RNF144A: variants seen among roughly 807,000 people sequenced by gnomAD.
The protein encoded by RNF144A is ring finger protein 144A, also known as E3 ubiquitin-protein ligase RNF144A.
A neutral mutation model predicts 38.7 loss-of-function variants in RNF144A; 11 were observed. That is an observed-to-expected ratio of 0.28 (90% confidence interval 0.18 to 0.47). RNF144A has a LOEUF of 0.47. RNF144A is among the 20% of genes least tolerant of loss of function. The pLI is 0.99. For synonymous variants in RNF144A, 149 were observed against 143.9 expected (o/e 1.04, Z -0.25); for missense variants, 316 against 377.2 (o/e 0.84, Z 1.34).
intron 1 of RNF144A, among the ~76,000 whole-genome samples, chr2:6,928,579 C>T (rs2077698): frequency 0.049 from 7,475 of 152,194 alleles, 258 homozygotes; most frequent in Non-Finnish European, 0.08. Context: ...TTCTAGCCCA[C>T]GTACTGCTGT....
chr2:7,030,561 C>T (rs1484029394), intron 8 of RNF144A, among the ~76,000 whole-genome samples: 1 of 151,936 alleles, frequency 6.6e-6, no homozygotes, highest in Non-Finnish European at 1.5e-5. Context: ...CTTGCCTAGC[C>T]CTTAACAAAG....
At chr2:7,073,727 A>T in the RNF144A span, among the ~76,000 whole-genome samples, 3 of 152,210 alleles carry the variant, frequency 2.0e-5, no homozygotes, top group African/African-American at 7.2e-5. Flanking sequence ...CCCATGTGTG[A>T]ACTTATTTAA....
downstream of RNF144A, among the ~76,000 whole-genome samples, chr2:7,071,030 G>A (rs1410999288): frequency 6.7e-6 from 1 of 150,086 alleles, no homozygotes; most frequent in Non-Finnish European, 1.5e-5. Context: ...CATCTCCCAG[G>A]TTCAAGCGAT....
At chr2:6,976,966 CT>C (rs1668355933) in intron 2 of RNF144A, among the ~76,000 whole-genome samples, 2 of 152,090 alleles carry the variant, frequency 1.3e-5, no homozygotes, top group African/African-American at 4.8e-5. Flanking sequence ...ACAGACAATG[CT>C]GTAATCCACA....
At chr2:6,974,273 A>G (rs1351653836) in intron 2 of RNF144A, among the ~76,000 whole-genome samples, 1 of 152,176 alleles carries the variant, frequency 6.6e-6, no homozygotes, top group Non-Finnish European at 1.5e-5. Context: ...TGCCACATGC[A>G]TTCTAGTTTT....
chr2:7,057,875 C>T (rs1247960010), intron 6 of RNF144A, among the ~76,000 whole-genome samples: 1 of 152,110 alleles, frequency 6.6e-6, no homozygotes, highest in Non-Finnish European at 1.5e-5. Context: ...TTAGTGGACA[C>T]AATGTAGTCA....
intron 8 of RNF144A, among the ~76,000 whole-genome samples, chr2:7,034,190 C>CT (rs1194883018): frequency 1.3e-5 from 2 of 151,870 alleles, no homozygotes; most frequent in East Asian, 3.9e-4. Context: ...ATAGTTCTTC[C>CT]TTTCTTTGAA....
At chr2:6,928,868 TG>T (rs374744079) in intron 1 of RNF144A, among the ~76,000 whole-genome samples, 177 of 152,310 alleles carry the variant, frequency 1.2e-3, no homozygotes, top group Middle Eastern at 6.8e-3. Context: ...CCTTCGGTGA[TG>T]GTCAGAAACT....
intron 2 of RNF144A, among the ~76,000 whole-genome samples, chr2:6,987,079 G>C (rs950474667): frequency 2.0e-5 from 3 of 152,092 alleles, no homozygotes; most frequent in Non-Finnish European, 4.4e-5. Context: ...GTCCTCTGTG[G>C]GAAACCGGCC....
intron 2 of RNF144A, among the ~76,000 whole-genome samples, chr2:6,942,811 C>T (rs541299356): frequency 6.6e-6 from 1 of 152,264 alleles, no homozygotes; most frequent in Admixed American, 6.5e-5. Context: ...TGGCAAAACC[C>T]CATCTCTACT....
At chr2:6,936,294 C>T (rs1356545035) in intron 1 of RNF144A, among the ~76,000 whole-genome samples, 3 of 152,140 alleles carry the variant, frequency 2.0e-5, no homozygotes, top group African/African-American at 4.8e-5. Flanking sequence ...TAACTGATGG[C>T]ATATATATAC....
intron 1 of RNF144A, among the ~76,000 whole-genome samples, chr2:6,921,133 A>G (rs1374580156): frequency 2.0e-5 from 3 of 152,242 alleles, no homozygotes; most frequent in Non-Finnish European, 4.4e-5. Context: ...CCAAAGTGAA[A>G]TGGTGAGAAA....
chr2:7,052,626 G>A (rs1220205815), intron 6 of RNF144A, among the ~76,000 whole-genome samples: 2 of 152,110 alleles, frequency 1.3e-5, no homozygotes, highest in Non-Finnish European at 2.9e-5. Context: ...CATCCACCCA[G>A]GCTCCCCAGG....
intron 6 of RNF144A, among the ~76,000 whole-genome samples, chr2:7,065,361 T>C (rs1572500706): frequency 1.3e-5 from 2 of 152,298 alleles, no homozygotes; most frequent in Admixed American, 1.3e-4. Flanking sequence ...AATGACTGCT[T>C]CCATATTGAC....
intron 2 of RNF144A, among the ~76,000 whole-genome samples, chr2:6,974,093 G>C (rs375640485): frequency 1.3e-5 from 2 of 152,122 alleles, no homozygotes; most frequent in Admixed American, 1.3e-4. Flanking sequence ...TCTTAGATTC[G>C]TCATTTACCA....
chr2:6,939,458 A>G (rs966619129), intron 1 of RNF144A, among the ~76,000 whole-genome samples: 2 of 152,228 alleles, frequency 1.3e-5, no homozygotes, highest in Non-Finnish European at 2.9e-5. Flanking sequence ...AGTATTCTTC[A>G]TATATTCTGA....
intron 5 of RNF144A, among the ~76,000 whole-genome samples, chr2:7,018,445 A>T (rs541704708): frequency 1.3e-5 from 2 of 152,156 alleles, no homozygotes; most frequent in South Asian, 4.1e-4. Flanking sequence ...ACGGGATGGG[A>T]GCATGACCCA....
At chr2:7,058,642 A>G (rs546247749) in intron 6 of RNF144A, among the ~76,000 whole-genome samples, 2 of 152,280 alleles carry the variant, frequency 1.3e-5, no homozygotes, top group East Asian at 1.9e-4. Context: ...AGAGTTAACA[A>G]TTTTTTATAT....
Position 7,042,861 on chromosome 2 carries a change from T to C in RNF144A, c.*3101T>C. 1.0e-6 allele frequency: 1 copy of C among 985,032 alleles called. No homozygotes were observed. Among genetic ancestry groups the C allele is most frequent in the Non-Finnish European group, 1.2e-6 (1 of 829,638 alleles). The allele number at this position is 985,032 out of a possible 1,614,324, so 61.0% of individuals were successfully genotyped here. A position where few individuals can be genotyped will look rare whatever the true frequency, so the allele number is the denominator to read the frequency against. ...GAACCAACATCTGCCACCTCTGGCA[T>C]TTTCTTTCTTTTTTTTTCTTTTTGA... On this transcript the variant is annotated 3_prime_UTR_variant, in exon 9 of 9. Coordinates refer to ENST00000320892, the MANE Select transcript of RNF144A (RefSeq NM_014746.6).
Sources: allele counts gnomAD v4.1 joint callset (sites outside exome capture counted in the v4.1 genomes callset), GRCh38; gene constraint gnomAD v4.1.1; transcripts MANE v1.5; gene names NCBI Gene and HGNC (gene_info 2026-07-23, HGNC 2026-07-21).